Variants in DCLK2 observed in about 807,000 individuals in gnomAD.
DCLK2 encodes the protein doublecortin like kinase 2.
A neutral mutation model predicts 78.4 loss-of-function variants in DCLK2; 31 were observed. The ratio of observed to expected loss-of-function variants is 0.40; its 90% CI spans 0.30 to 0.53. The LOEUF is 0.53. DCLK2 is among the 20% of genes least tolerant of loss of function. DCLK2 has a pLI of 0.61. For synonymous variants in DCLK2, 407 were observed against 374.9 expected (o/e 1.09, Z -0.99); for missense variants, 872 against 973.7 (o/e 0.90, Z 1.39).
In DCLK2 at chr4:150,240,380, A is replaced by C. The variant is rs2126601096; in HGVS notation, c.1701-19A>C. ...GGGAGCCATCAGTTCTCTCCCCCTCACCCACTTTGTTTTCCTAGCTATGGC... is the reference window on the plus strand; with the variant it reads ...GGGAGCCATCAGTTCTCTCCCCCTCCCCCACTTTGTTTTCCTAGCTATGGC... On this transcript the variant is annotated intron_variant, in intron 11 of 15. Transcript: ENST00000296550. 1 of 1,612,482 alleles carries C rather than the reference A, an allele frequency of 6.2e-7. No individual in the cohort carries two copies. The highest frequency in any genetic ancestry group is 8.5e-7 in the Non-Finnish European group (1 of 1,178,854).
chr4:150,254,136 C>T (rs1254003546), intron 15 of DCLK2, among the ~76,000 whole-genome samples: 1 of 152,178 alleles, frequency 6.6e-6, no homozygotes, highest in Non-Finnish European at 1.5e-5. Flanking sequence ...TTGCAGAGAC[C>T]AGGAGAGACC....
At chr4:150,252,768 T>C (rs1258856435) in intron 15 of DCLK2, among the ~76,000 whole-genome samples, 1 of 152,216 alleles carries the variant, frequency 6.6e-6, no homozygotes, top group African/African-American at 2.4e-5. Context: ...TATGTTTATG[T>C]GTGTTCAGTT....
chr4:150,229,469 A>G (rs1418769916), intron 8 of DCLK2, among the ~76,000 whole-genome samples: 2 of 152,168 alleles, frequency 1.3e-5, no homozygotes, highest in Non-Finnish European at 2.9e-5. Flanking sequence ...TTGTGGGTAT[A>G]TTATCCACCC....
At chr4:150,162,621 AT>A (rs539176063) in intron 2 of DCLK2, among the ~76,000 whole-genome samples, 18 of 151,700 alleles carry the variant, frequency 1.2e-4, no homozygotes, top group Admixed American at 1.1e-3. Context: ...TAAGTCTTCT[AT>A]TTTTTTTAAT....
chr4:150,214,843 T>C (rs1452825821), intron 5 of DCLK2, among the ~76,000 whole-genome samples: 1 of 149,082 alleles, frequency 6.7e-6, no homozygotes, highest in African/African-American at 2.5e-5. Flanking sequence ...ACGCCTGTAA[T>C]CCCAGCTACT....
At chr4:150,087,750 G>C (rs567308278) in intron 1 of DCLK2, among the ~76,000 whole-genome samples, 25 of 152,316 alleles carry the variant, frequency 1.6e-4, no homozygotes, top group African/African-American at 5.8e-4. Context: ...GTGTGGGGCA[G>C]GACCCTCTCT....
intron 15 of DCLK2, chr4:150,253,737 A>G (rs1744356446): frequency 7.1e-6 from 7 of 985,392 alleles, no homozygotes; most frequent in Non-Finnish European, 8.4e-6. Context: ...TTATTTTCAA[A>G]CTTCTCAGCT....
chr4:150,100,629 TAGTA>T (rs756484877), intron 1 of DCLK2, among the ~76,000 whole-genome samples: 1 of 152,228 alleles, frequency 6.6e-6, no homozygotes, highest in African/African-American at 2.4e-5. Context: ...TAGATAAAAA[TAGTA>T]AGAGCTTTTT....
intron 2 of DCLK2, among the ~76,000 whole-genome samples, chr4:150,108,522 C>T (rs1270674149): frequency 6.6e-6 from 1 of 150,956 alleles, no homozygotes; most frequent in Non-Finnish European, 1.5e-5. Flanking sequence ...TCAGCCTGGG[C>T]GACAGAGCAA....
chr4:150,173,683 C>T (rs1191212378), intron 2 of DCLK2, among the ~76,000 whole-genome samples: 3 of 152,148 alleles, frequency 2.0e-5, no homozygotes, highest in Non-Finnish European at 4.4e-5. Flanking sequence ...CTTGCATTGT[C>T]CTCTCAGGCA....
At chr4:150,098,450 G>A (rs995123678) in intron 1 of DCLK2, among the ~76,000 whole-genome samples, 7 of 152,106 alleles carry the variant, frequency 4.6e-5, no homozygotes, top group African/African-American at 1.7e-4. Flanking sequence ...CCCAGTTCTG[G>A]GACTGCTTTA....
intron 5 of DCLK2, among the ~76,000 whole-genome samples, chr4:150,217,645 C>T (rs190409886): frequency 3.7e-4 from 56 of 152,316 alleles, no homozygotes; most frequent in Non-Finnish European, 2.9e-5. Flanking sequence ...TCCCTTAAAA[C>T]AGCACAAGTC....
At chr4:150,159,538 G>A (rs72967206) in intron 2 of DCLK2, among the ~76,000 whole-genome samples, 5,219 of 152,316 alleles carry the variant, frequency 0.034, 263 homozygotes, top group African/African-American at 0.12. Flanking sequence ...GCATGTGGTG[G>A]GGGTGTAGTG....
chr4:150,134,076 C>CTTT (rs768954755), intron 2 of DCLK2, among the ~76,000 whole-genome samples: 15,611 of 94,752 alleles, frequency 0.16, 1,573 homozygotes, highest in African/African-American at 0.21. Flanking sequence ...CGTATAAACT[C>CTTT]TTTTTTTTTT....
intron 2 of DCLK2, among the ~76,000 whole-genome samples, chr4:150,162,438 A>AT (rs1735770982): frequency 6.6e-6 from 1 of 152,188 alleles, no homozygotes; most frequent in Non-Finnish European, 1.5e-5. Flanking sequence ...ATTAAGTAGT[A>AT]TTATCTTCCA....
intron 4 of DCLK2, chr4:150,199,041 C>T: frequency 6.3e-7 from 1 of 1,594,628 alleles, no homozygotes; most frequent in Non-Finnish European, 8.5e-7. Context: ...AGCGGGGTGG[C>T]CACTACTCCA....
At chr4:150,148,603 G>C (rs556881817) in intron 2 of DCLK2, among the ~76,000 whole-genome samples, 4 of 152,138 alleles carry the variant, frequency 2.6e-5, no homozygotes, top group African/African-American at 9.6e-5. Flanking sequence ...ACAACAGTAA[G>C]TACACTTTGA....
intron 2 of DCLK2, among the ~76,000 whole-genome samples, chr4:150,166,729 G>A (rs1736110502): frequency 6.7e-6 from 1 of 148,826 alleles, no homozygotes; most frequent in Non-Finnish European, 1.5e-5. Flanking sequence ...GGCACTCCAA[G>A]CAGTGATTAA....
intron 2 of DCLK2, among the ~76,000 whole-genome samples, chr4:150,129,407 T>G (rs1309371553): frequency 2.0e-5 from 3 of 152,112 alleles, no homozygotes; most frequent in African/African-American, 7.2e-5. Flanking sequence ...TCAAAATGAT[T>G]ATTTAAAATA....
Sources: allele counts gnomAD v4.1 joint callset (sites outside exome capture counted in the v4.1 genomes callset), GRCh38; gene constraint gnomAD v4.1.1; transcripts MANE v1.5; gene names NCBI Gene and HGNC (gene_info 2026-07-23, HGNC 2026-07-21).